Variants in FRMD5 observed in about 807,000 individuals in gnomAD.
FRMD5 encodes FERM domain containing 5.
In FRMD5, 20 loss-of-function variants were observed where a neutral mutation model predicts 69.0. The ratio of observed to expected loss-of-function variants is 0.29; its 90% CI spans 0.20 to 0.42. The LOEUF (loss-of-function observed/expected upper bound fraction) is 0.42, where lower values mean the gene tolerates loss of function less well. Ranked by LOEUF, FRMD5 falls within the 10% of genes least tolerant of loss-of-function variation. The pLI, the probability that FRMD5 is intolerant of heterozygous loss-of-function variation, is 1.00. For missense variants in FRMD5, 595 were observed against 708.6 expected (o/e 0.84, Z 1.82); for synonymous variants, 271 against 260.1 (o/e 1.04, Z -0.40).
intron 1 of FRMD5, among the ~76,000 whole-genome samples, chr15:44,045,440 C>T (rs765425846): frequency 4.6e-5 from 7 of 152,058 alleles, no homozygotes; most frequent in African/African-American, 1.7e-4. Flanking sequence ...CTTGACTACA[C>T]TTAAATGATT....
At chr15:43,945,655 T>A (rs1234249490) in intron 1 of FRMD5, among the ~76,000 whole-genome samples, 1 of 152,166 alleles carries the variant, frequency 6.6e-6, no homozygotes, top group Admixed American at 6.5e-5. Flanking sequence ...TGCATCCCAC[T>A]GTAAATGTAC....
At chr15:44,198,152 T>C (rs1024324367), upstream of FRMD5, among the ~76,000 whole-genome samples, 1 of 151,422 alleles carries the variant, frequency 6.6e-6, no homozygotes, top group African/African-American at 2.4e-5. Context: ...GCTACAATAA[T>C]AATAATAATA....
At chr15:44,110,360 G>A (rs1245141374) in intron 1 of FRMD5, among the ~76,000 whole-genome samples, 2 of 152,160 alleles carry the variant, frequency 1.3e-5, no homozygotes, top group Admixed American at 6.6e-5. Flanking sequence ...GCCCAGCTAC[G>A]TGCAGGCTTC....
intron 1 of FRMD5, among the ~76,000 whole-genome samples, chr15:44,089,349 C>T (rs1209852504): frequency 1.3e-5 from 2 of 152,090 alleles, no homozygotes; most frequent in African/African-American, 4.8e-5. Flanking sequence ...GTGGAACTGA[C>T]CACTCCTTGT....
chr15:43,943,605 T>C (rs2089897269), intron 1 of FRMD5, among the ~76,000 whole-genome samples: 1 of 152,218 alleles, frequency 6.6e-6, no homozygotes, highest in African/African-American at 2.4e-5. Context: ...AATCCAGTTA[T>C]TGGTTCCTTA....
chr15:44,182,203 G>A (rs151337473), intron 1 of FRMD5, among the ~76,000 whole-genome samples: 2 of 151,428 alleles, frequency 1.3e-5, no homozygotes, highest in Non-Finnish European at 2.9e-5. Flanking sequence ...TAAAGACAGG[G>A]TTTCATCTTG....
chr15:43,982,248 T>C (rs2090559782), intron 1 of FRMD5, among the ~76,000 whole-genome samples: 1 of 152,228 alleles, frequency 6.6e-6, no homozygotes, highest in Admixed American at 6.5e-5. Flanking sequence ...ATGTCTTTGG[T>C]GTTGAACTCA....
rs1279440991 is a variant in FRMD5, at chr15:44,191,922, T to TATATATATA, written c.102+3030_102+3031insTATATATAT. Among the ~76,000 whole-genome samples the TATATATATA allele has an allele frequency of 6.4e-3, 57 of 8,916 alleles. 1 individual carries two copies. The highest frequency in any genetic ancestry group is 9.5e-3 in the South Asian group (3 of 316). 5.8% of individuals were successfully genotyped at this position (8,916 alleles called of 152,430 possible). ...ATATATATATATATATATATATATA[T>TATATATATA]TATATATATATATATATATGTATCT... On this transcript the variant is annotated intron_variant, in intron 1 of 13. Transcript: ENST00000417257.
At chr15:44,003,961 A>C (rs1013263037) in intron 1 of FRMD5, among the ~76,000 whole-genome samples, 2 of 152,218 alleles carry the variant, frequency 1.3e-5, no homozygotes, top group African/African-American at 4.8e-5. Flanking sequence ...AGCAAGCTGT[A>C]GACACTCAAC....
At chr15:44,088,672 T>C (rs1032852115) in intron 1 of FRMD5, among the ~76,000 whole-genome samples, 1 of 152,200 alleles carries the variant, frequency 6.6e-6, no homozygotes, top group Non-Finnish European at 1.5e-5. Context: ...GGCTATCAGT[T>C]ATTCATTCCA....
chr15:43,977,233 G>A (rs2090478256), intron 1 of FRMD5, among the ~76,000 whole-genome samples: 3 of 152,048 alleles, frequency 2.0e-5, no homozygotes, highest in Admixed American at 2.0e-4. Flanking sequence ...GCTTTGTTGT[G>A]GTCAGGGTTG....
At chr15:44,146,764 T>A (rs2077363115) in intron 1 of FRMD5, among the ~76,000 whole-genome samples, 1 of 152,224 alleles carries the variant, frequency 6.6e-6, no homozygotes, top group African/African-American at 2.4e-5. Context: ...GAGCTTTTTT[T>A]CATATGTTTG....
chr15:43,997,450 A>C (rs1457557169), intron 1 of FRMD5, among the ~76,000 whole-genome samples: 1 of 152,224 alleles, frequency 6.6e-6, no homozygotes, highest in African/African-American at 2.4e-5. Context: ...ATATATTCTT[A>C]CCAACACATT....
intron 1 of FRMD5, among the ~76,000 whole-genome samples, chr15:43,950,813 C>G (rs189113439): frequency 4.2e-4 from 64 of 152,324 alleles, no homozygotes; most frequent in African/African-American, 1.5e-3. Context: ...ACCGGAGAGG[C>G]TGGCTGTTTA....
chr15:43,923,782 C>T (rs533645485), intron 2 of FRMD5, among the ~76,000 whole-genome samples: 4 of 152,296 alleles, frequency 2.6e-5, no homozygotes, highest in East Asian at 1.9e-4. Context: ...GAAAGGCCCG[C>T]GCTGGTTTGG....
At chr15:43,963,578 A>C (rs1257036320) in intron 1 of FRMD5, among the ~76,000 whole-genome samples, 1 of 152,226 alleles carries the variant, frequency 6.6e-6, no homozygotes, top group African/African-American at 2.4e-5. Flanking sequence ...AAGGATTATA[A>C]ATCATGCTGC....
intron 1 of FRMD5, among the ~76,000 whole-genome samples, chr15:43,977,162 T>C (rs952586841): frequency 6.6e-6 from 1 of 151,318 alleles, no homozygotes; most frequent in Non-Finnish European, 1.5e-5. Flanking sequence ...AGGGGAGGGG[T>C]TGGGGAAGTG....
chr15:44,052,331 A>G (rs1892703407), intron 1 of FRMD5, among the ~76,000 whole-genome samples: 2 of 152,060 alleles, frequency 1.3e-5, no homozygotes, highest in Non-Finnish European at 2.9e-5. Flanking sequence ...ATACGCAACC[A>G]TTGTGTTTCT....
chr15:44,097,319 T>C (rs1445308079), intron 1 of FRMD5, among the ~76,000 whole-genome samples: 1 of 152,256 alleles, frequency 6.6e-6, no homozygotes, highest in Non-Finnish European at 1.5e-5. Flanking sequence ...AGAAAAATTC[T>C]GAAGTGCCTT....
Sources: gnomAD v4.1 joint callset for allele counts (sites outside exome capture counted in the v4.1 genomes callset) on GRCh38, gnomAD v4.1.1 for gene constraint, MANE v1.5 for transcripts, NCBI Gene and HGNC (gene_info 2026-07-23, HGNC 2026-07-21) for gene names.